The following SUSD6 variants were observed in gnomAD, a reference collection of about 807,000 sequenced individuals.
SUSD6 encodes sushi domain-containing protein 6.
SUSD6 carries 16 observed loss-of-function variants against 28.4 expected under a neutral mutation model. That is an observed-to-expected ratio of 0.56 (90% CI 0.38 to 0.86). The LOEUF is 0.86. Ranked by LOEUF, SUSD6 falls within the 40% of genes least tolerant of loss-of-function variation. SUSD6 has a pLI of 0.00. For missense variants in SUSD6, 341 were observed against 384.2 expected (o/e 0.89, Z 0.94); for synonymous variants, 147 against 159.6 (o/e 0.92, Z 0.59).
intron 2 of SUSD6, among the ~76,000 whole-genome samples, chr14:69,663,237 TAAAC>T (rs1885688561): frequency 6.6e-6 from 1 of 152,242 alleles, no homozygotes; most frequent in South Asian, 2.1e-4. Context: ...GCTTATTTAC[TAAAC>T]AAACTCAGTA....
chr14:69,702,578 G>T (rs1172634890), intron 2 of SUSD6, among the ~76,000 whole-genome samples: 1 of 152,250 alleles, frequency 6.6e-6, no homozygotes, highest in Non-Finnish European at 1.5e-5. Flanking sequence ...AGGCCATGCA[G>T]CTCATGGGGT....
At chr14:69,687,194 C>T (rs1299044583) in intron 2 of SUSD6, among the ~76,000 whole-genome samples, 2 of 152,160 alleles carry the variant, frequency 1.3e-5, no homozygotes, top group South Asian at 2.1e-4. Flanking sequence ...AGGCTGGTCT[C>T]GAACTCCTGA....
intron 2 of SUSD6, among the ~76,000 whole-genome samples, chr14:69,681,552 GC>G (rs1389735915): frequency 6.6e-6 from 1 of 152,198 alleles, no homozygotes; most frequent in Non-Finnish European, 1.5e-5. Context: ...GAAGGGGACG[GC>G]CCCGTAGGGG....
In SUSD6 at chr14:69,703,573, T is replaced by G. The variant is rs764243316; in HGVS notation, c.300T>G (p.Ile100Met). The change falls in exon 3 of 6, where the codon ATT becomes ATG. Residue 100 changes from isoleucine (I) to methionine (M), a missense_variant. Transcript: ENST00000342745. ...KNGEWKPAMEISCRLNEDKDT... is the reference protein window; with the variant it reads ...KNGEWKPAMEMSCRLNEDKDT... ...GCGAGTGGAAACCAGCCATGGAGAT[T>G]AGCTGCCGTCTCAACGAGGGTCAGT... 1 of 1,614,184 alleles carries G rather than the reference T, an allele frequency of 6.2e-7. No individual in the cohort carries two copies. Among genetic ancestry groups the G allele is most frequent in the Admixed American group, 1.7e-5 (1 of 60,030 alleles).
intron 2 of SUSD6, among the ~76,000 whole-genome samples, chr14:69,663,977 C>CTTTTTTTTTTTTT: frequency 7.1e-6 from 1 of 140,238 alleles, no homozygotes; most frequent in South Asian, 2.3e-4. Flanking sequence ...ATGGTTGTTT[C>CTTTTTTTTTTTTT]TTTTTTTTTT....
intron 2 of SUSD6, among the ~76,000 whole-genome samples, chr14:69,692,890 G>A (rs1472578241): frequency 6.6e-6 from 1 of 152,240 alleles, no homozygotes; most frequent in East Asian, 1.9e-4. Context: ...TCTCCTCTGG[G>A]AGATGAGGAA....
At chr14:69,618,247 T>C (rs974302506) in intron 1 of SUSD6, among the ~76,000 whole-genome samples, 1 of 152,318 alleles carries the variant, frequency 6.6e-6, no homozygotes, top group East Asian at 1.9e-4. Flanking sequence ...CAAAACTACC[T>C]TCAGTCTATG....
intron 1 of SUSD6, among the ~76,000 whole-genome samples, chr14:69,640,349 T>G (rs1183535307): frequency 6.6e-6 from 1 of 152,042 alleles, no homozygotes; most frequent in African/African-American, 2.4e-5. Flanking sequence ...ATATATATAT[T>G]TGGAGACAAG....
At chr14:69,652,967 C>A (rs996597169) in intron 1 of SUSD6, among the ~76,000 whole-genome samples, 1 of 152,180 alleles carries the variant, frequency 6.6e-6, no homozygotes, top group African/African-American at 2.4e-5. Context: ...GTTTACAAAG[C>A]ATTTCCTCAT....
At chr14:69,658,108 T>G (rs191384546) in intron 1 of SUSD6, among the ~76,000 whole-genome samples, 8 of 152,358 alleles carry the variant, frequency 5.3e-5, no homozygotes, top group Admixed American at 3.9e-4. Flanking sequence ...ACACGTGTTC[T>G]CTCTCTTTTT....
At chr14:69,684,267 A>G (rs1405653730) in intron 2 of SUSD6, among the ~76,000 whole-genome samples, 1 of 152,216 alleles carries the variant, frequency 6.6e-6, no homozygotes, top group East Asian at 1.9e-4. Context: ...CTTTGCTGAT[A>G]TTGGGTGTTA....
rs897181870 is a variant in SUSD6 at position 69,714,679 on chromosome 14, T to C, written c.*3700T>C. ...GAGAGGAAAAGGTGGCAGGCCCAGC[T>C]TTGCTGGGAAATGGCTCTTAATTTC... On this transcript the variant is annotated 3_prime_UTR_variant, in exon 6 of 6. Transcript: ENST00000342745. The C allele has an allele frequency of 6.6e-6, 1 of 152,230 alleles. No homozygotes were observed. Among genetic ancestry groups the C allele is most frequent in the African/African-American group, 2.4e-5 (1 of 41,444 alleles). 9.4% of individuals were successfully genotyped at this position (152,230 alleles called of 1,614,324 possible). A position where few individuals can be genotyped will look rare whatever the true frequency, so the allele number is the denominator to read the frequency against.
chr14:69,666,521 T>G (rs1885743845), intron 2 of SUSD6, among the ~76,000 whole-genome samples: 1 of 152,254 alleles, frequency 6.6e-6, no homozygotes, highest in Non-Finnish European at 1.5e-5. Flanking sequence ...AAAACACAAC[T>G]GGGAGAATAT....
At chr14:69,617,259 T>G (rs1884972651) in intron 1 of SUSD6, 1 of 152,132 alleles carries the variant, frequency 6.6e-6, no homozygotes, top group South Asian at 2.1e-4. Flanking sequence ...AACGTGTGTA[T>G]AAGTTTTTCT....
chr14:69,702,227 G>T (rs550206559), intron 2 of SUSD6, among the ~76,000 whole-genome samples: 190 of 152,260 alleles, frequency 1.2e-3, no homozygotes, highest in Admixed American at 2.2e-3. Flanking sequence ...AATTTCCTTT[G>T]GAAAACTTTT....
chr14:69,707,998 G>C (rs376606737), intron 4 of SUSD6, among the ~76,000 whole-genome samples: 15 of 152,166 alleles, frequency 9.9e-5, no homozygotes, highest in African/African-American at 3.6e-4. Context: ...TGTTACTTTT[G>C]GAGTAAATCA....
In SUSD6 at chr14:69,637,511, C is replaced by T. The variant is rs139703974; in HGVS notation, c.-80-21002C>T. ...CTGGGAACTGTTCTCTGACCCTCTC[C>T]ACCCTTACCCTGCCTAAGGCTCTCT... On this transcript the variant is annotated intron_variant, in intron 1 of 5. Coordinates refer to ENST00000342745, the MANE Select transcript of SUSD6 (RefSeq NM_014734.4). 5.6e-4 allele frequency among the ~76,000 whole-genome samples: 85 copies of T among 152,306 alleles called. 1 individual carries two copies. The East Asian group carries it at 0.015, about 26-fold the overall frequency.
chr14:69,688,441 T>C (rs560263159), intron 2 of SUSD6, among the ~76,000 whole-genome samples: 1 of 152,326 alleles, frequency 6.6e-6, no homozygotes, highest in African/African-American at 2.4e-5. Context: ...AGCTTGTGCA[T>C]AGAGGACCTG....
chr14:69,619,607 A>G (rs999345877), intron 1 of SUSD6, among the ~76,000 whole-genome samples: 2 of 151,890 alleles, frequency 1.3e-5, no homozygotes, highest in Non-Finnish European at 2.9e-5. Context: ...AGAAAAAAAA[A>G]AAAAAAATTA....
Sources: gnomAD v4.1 joint callset for allele counts (sites outside exome capture counted in the v4.1 genomes callset) on GRCh38, gnomAD v4.1.1 for gene constraint, MANE v1.5 for transcripts, NCBI Gene and HGNC (gene_info 2026-07-23, HGNC 2026-07-21) for gene names.